The following COMMD8 variants were observed in gnomAD, a reference collection of about 807,000 sequenced individuals.
COMMD8 encodes the protein COMM domain-containing protein 8.
In COMMD8, 28 loss-of-function variants were observed where a neutral mutation model predicts 27.2. That is an observed-to-expected ratio of 1.03 (90% confidence interval 0.76 to 1.41). The LOEUF (loss-of-function observed/expected upper bound fraction) is 1.41. Among genes scored for constraint, COMMD8 ranks in the 40% most tolerant of loss-of-function variants. COMMD8 has a pLI of 0.00. For synonymous variants in COMMD8, 79 were observed against 75.5 expected, an observed-to-expected ratio of 1.05 and a Z score of -0.24; for missense variants, 217 against 211.2, an observed-to-expected ratio of 1.03 and a Z score of -0.17.
chr4:47,463,607 C>T lies in COMMD8; in HGVS notation c.45G>A (p.Leu15=), dbSNP rs754891067. The T allele has an allele frequency of 2.6e-6, 4 of 1,547,084 alleles. No individual in the cohort carries two copies. In the African/African-American group the frequency reaches 5.5e-5, roughly 21 times the overall value. Residue 15 remains leucine, a synonymous_variant, in exon 1 of 5, where the codon CTG becomes CTA. Coordinates refer to ENST00000381571, the MANE Select transcript of COMMD8 (RefSeq NM_017845.5). ...EGTPLWRLQK[L]PAELGPQLLH... ...TCACCTGCGGGCCCAGCTCGGCCGGCAGCTTCTGCAGCCGCCACAAGGGCG... is the reference window on the plus strand; with the variant it reads ...TCACCTGCGGGCCCAGCTCGGCCGGTAGCTTCTGCAGCCGCCACAAGGGCG...
chr4:47,457,834 G>A (rs1306822757), intron 2 of COMMD8, among the ~76,000 whole-genome samples: 1 of 148,002 alleles, frequency 6.8e-6, no homozygotes, highest in Admixed American at 6.7e-5. Flanking sequence ...AGTATTATAG[G>A]GAGGAAAAGA....
rs904523877 is a variant in COMMD8 at position 47,450,837 on chromosome 4, G to A, written c.*808C>T. On this transcript the variant is annotated 3_prime_UTR_variant, in exon 5 of 5. Coordinates refer to ENST00000381571, the MANE Select transcript of COMMD8 (RefSeq NM_017845.5). Reference sequence around the variant, plus strand: ...GTTAAAGTTAACTGAGGTTACAAATGGTTTGTTTTTCCAATGAATTTAACA... The same window carrying A: ...GTTAAAGTTAACTGAGGTTACAAATAGTTTGTTTTTCCAATGAATTTAACA... 2.6e-5 allele frequency: 4 copies of A among 152,144 alleles called. No homozygotes were observed. Among genetic ancestry groups the A allele is most frequent in the Non-Finnish European group, 4.4e-5 (3 of 68,006 alleles). The allele number at this position is 152,144 out of a possible 1,614,324, so 9.4% of individuals were successfully genotyped here.
intron 3 of COMMD8, among the ~76,000 whole-genome samples, chr4:47,456,267 CATATAT>C (rs34279197): frequency 0.056 from 6,620 of 118,926 alleles, 213 homozygotes; most frequent in African/African-American, 0.084. Flanking sequence ...ATAAATTATA[CATATAT>C]ATATATATAT....
At chr4:47,456,485 A>T (rs1001926279) in intron 3 of COMMD8, 92 bp downstream of exon 3, 2 of 919,174 alleles carry the variant, frequency 2.2e-6, no homozygotes, top group Non-Finnish European at 1.5e-6. Context: ...ATACATTCCC[A>T]AAATAACAAA....
chr4:47,452,576 T>C (rs990834747), intron 4 of COMMD8, among the ~76,000 whole-genome samples: 2 of 152,208 alleles, frequency 1.3e-5, no homozygotes, highest in African/African-American at 4.8e-5. Flanking sequence ...CATTACAAGT[T>C]ATAATTAATA....
chr4:47,456,952 G>A (rs535804592), intron 2 of COMMD8, among the ~76,000 whole-genome samples: 1 of 152,320 alleles, frequency 6.6e-6, no homozygotes, highest in South Asian at 2.1e-4. Context: ...CAGCAGCATG[G>A]AAATGAATAC....
chr4:47,463,506 G>A (rs796356505), intron 1 of COMMD8, 80 bp downstream of exon 1: 3 of 1,379,244 alleles, frequency 2.2e-6, no homozygotes, highest in Non-Finnish European at 3.0e-6. Context: ...AAGGCGTCCG[G>A]GTCGCACCCG....
intron 1 of COMMD8, 116 bp downstream of exon 1, chr4:47,463,470 C>T (rs990361714): frequency 3.1e-6 from 3 of 969,324 alleles, no homozygotes; most frequent in East Asian, 5.5e-5. Flanking sequence ...ACGCCCCTTC[C>T]TCCTCCCTTC....
At chr4:47,456,354 G>A (rs1175442777) in intron 3 of COMMD8, among the ~76,000 whole-genome samples, 1 of 142,862 alleles carries the variant, frequency 7.0e-6, no homozygotes, top group Admixed American at 7.3e-5. Flanking sequence ...ATAATTTACA[G>A]ATCTAATTAT....
chr4:47,460,184 A>C lies in COMMD8; in HGVS notation c.182T>G (p.Phe61Cys). ...GTTTTTACCAACTATGGCTTTGAAA[A>C]ATTTGGCAATATCTTCTAAAACGTG... Reference protein sequence around the residue: ...WMHVLEDIAKFFKAIVGKNLP... With the variant: ...WMHVLEDIAKCFKAIVGKNLP... Residue 61 changes from phenylalanine (F) to cysteine (C), a missense_variant, in exon 2 of 5, where the codon TTT becomes TGT. Physicochemically the swap from Phe to Cys is radical, Grantham distance 205. Transcript: ENST00000381571. 6.2e-7 allele frequency: 1 copy of C among 1,613,692 alleles called. No individual in the cohort carries two copies. Among genetic ancestry groups the C allele is most frequent in the Non-Finnish European group, 8.5e-7 (1 of 1,179,776 alleles).
At chr4:47,454,247 C>T (rs912523414) in intron 3 of COMMD8, among the ~76,000 whole-genome samples, 3 of 152,172 alleles carry the variant, frequency 2.0e-5, no homozygotes, top group African/African-American at 7.2e-5. Flanking sequence ...TGAATTGAAA[C>T]GTATCTTATT....
At chr4:47,462,468 G>A (rs1730085271) in intron 1 of COMMD8, among the ~76,000 whole-genome samples, 1 of 152,176 alleles carries the variant, frequency 6.6e-6, no homozygotes, top group African/African-American at 2.4e-5. Flanking sequence ...CTGAATTTGA[G>A]GTACCTGTGG....
intron 1 of COMMD8, among the ~76,000 whole-genome samples, chr4:47,460,680 CT>C (rs561465316): frequency 5.7e-4 from 87 of 151,976 alleles, no homozygotes; most frequent in Non-Finnish European, 2.1e-4. Context: ...TCACAACATA[CT>C]TTTTTTTCTT....
rs1293077548 is a variant in COMMD8, at chr4:47,456,671, A to G, written c.281T>C (p.Val94Ala). Residue 94 changes from valine to alanine, a missense_variant, in exon 3 of 5, where the codon GTG (valine) becomes GCG (alanine). Physicochemically the swap from Val to Ala is moderately conservative, Grantham distance 64. Coordinates refer to ENST00000381571, the MANE Select transcript of COMMD8 (RefSeq NM_017845.5). ...TTTGATTTCATCTTTCCTACTTTTCACGCATTTCATGATAGTTTCTTGATG... is the reference window on the plus strand; with the variant it reads ...TTTGATTTCATCTTTCCTACTTTTCGCGCATTTCATGATAGTTTCTTGATG... ...SLHQETIMKC[V>A]KSRKDEIKQA... 6.2e-7 allele frequency: 1 copy of G among 1,609,186 alleles called. No homozygotes were observed. Among genetic ancestry groups the G allele is most frequent in the South Asian group, 1.1e-5 (1 of 90,230 alleles).
At chr4:47,453,447 A>G (rs1729809939) in intron 3 of COMMD8, among the ~76,000 whole-genome samples, 1 of 152,222 alleles carries the variant, frequency 6.6e-6, no homozygotes, top group African/African-American at 2.4e-5. Flanking sequence ...CCAGTCAGCA[A>G]TCTTGTGGCA....
Position 47,460,157 on chromosome 4 carries a change from A to T in COMMD8, c.209T>A (p.Leu70Ter). 1 of 1,612,948 alleles carries T rather than the reference A, an allele frequency of 6.2e-7. No individual in the cohort carries two copies. The highest frequency in any genetic ancestry group is 8.5e-7 in the Non-Finnish European group (1 of 1,179,468). Residue 70 changes from leucine to a stop codon, truncating the protein, a stop_gained, in exon 2 of 5, where the codon TTA (leucine) becomes TAA (stop). Transcript: ENST00000381571. LOFTEE classifies it high-confidence loss of function. Reference protein sequence around the residue: ...KFFKAIVGKNLPDEEIFQQLN... With the variant: ...KFFKAIVGKN ...CAGAGAAGTTACCTCTTCATCAGGT[A>T]AGTTTTTACCAACTATGGCTTTGAA...
chr4:47,452,860 G>A (rs1184195078), intron 4 of COMMD8, among the ~76,000 whole-genome samples, 199 bp downstream of exon 4: 5 of 152,120 alleles, frequency 3.3e-5, no homozygotes, highest in Admixed American at 3.3e-4. Flanking sequence ...GCCAGGCCTG[G>A]TGGCAGGCAT....
intron 2 of COMMD8, among the ~76,000 whole-genome samples, chr4:47,457,298 C>T (rs946019858): frequency 3.9e-5 from 6 of 152,126 alleles, no homozygotes; most frequent in Admixed American, 1.3e-4. Flanking sequence ...AAAGACACAA[C>T]AATCATAAAT....
intron 3 of COMMD8, among the ~76,000 whole-genome samples, chr4:47,455,011 ATTTAT>A (rs372781896): frequency 1.4e-4 from 21 of 151,610 alleles, no homozygotes; most frequent in African/African-American, 4.1e-4. Context: ...CTTATCCTTT[ATTTAT>A]TTATTTTTTT....
Sources: gnomAD v4.1 joint callset for allele counts (sites outside exome capture counted in the v4.1 genomes callset) on GRCh38, gnomAD v4.1.1 for gene constraint, MANE v1.5 for transcripts, NCBI Gene and HGNC (gene_info 2026-07-23, HGNC 2026-07-21) for gene names.